RPTOR: variants seen among roughly 807,000 people sequenced by gnomAD.
RPTOR encodes regulatory-associated protein of mTOR.
A neutral mutation model predicts 169.9 loss-of-function variants in RPTOR; 21 were observed. That is an observed-to-expected ratio of 0.12 (90% CI 0.09 to 0.18). The LOEUF (loss-of-function observed/expected upper bound fraction) is 0.18, where lower values mean the gene tolerates loss of function less well. Ranked by LOEUF, RPTOR falls within the 10% of genes least tolerant of loss-of-function variation. The pLI is 1.00. For synonymous variants in RPTOR, 732 were observed against 753.2 expected (o/e 0.97, Z 0.46); for missense variants, 1,133 against 1,855.9 (o/e 0.61, Z 7.16).
intron 3 of RPTOR, among the ~76,000 whole-genome samples, chr17:80,680,928 G>A (rs1009834135): frequency 2.0e-5 from 3 of 152,102 alleles, no homozygotes; most frequent in South Asian, 4.1e-4. Context: ...TGTGGCCTTC[G>A]TGTTCAGCTG....
chr17:80,937,079 A>G (rs1461624177), intron 24 of RPTOR, among the ~76,000 whole-genome samples: 1 of 152,182 alleles, frequency 6.6e-6, no homozygotes, highest in Admixed American at 6.5e-5. Context: ...CCGTGGGGAA[A>G]ATAATAAAAA....
chr17:80,879,157 C>T (rs986681183), intron 13 of RPTOR, among the ~76,000 whole-genome samples: 32 of 152,110 alleles, frequency 2.1e-4, no homozygotes, highest in Admixed American at 9.2e-4. Flanking sequence ...GTAACCCCTC[C>T]GGGATGAAAA....
intron 28 of RPTOR, among the ~76,000 whole-genome samples, chr17:80,955,524 G>A (rs896579213): frequency 2.6e-5 from 4 of 152,214 alleles, no homozygotes; most frequent in African/African-American, 9.6e-5. Flanking sequence ...ACAAGAGATT[G>A]AGGGTAAAGA....
intron 20 of RPTOR, among the ~76,000 whole-genome samples, chr17:80,898,341 A>G (rs1438759972): frequency 2.6e-5 from 4 of 151,886 alleles, no homozygotes; most frequent in Non-Finnish European, 5.9e-5. Flanking sequence ...GTCCCCGTTT[A>G]TTCCTATTGT....
In RPTOR at chr17:80,685,622, TATATA is replaced by T. The variant is rs1472207272; in HGVS notation, c.349-22218_349-22214del. Among the ~76,000 whole-genome samples the T allele has an allele frequency of 8.6e-3, 273 of 31,728 alleles. 3 individuals carry two copies. The highest frequency in any genetic ancestry group is 0.011 in the Non-Finnish European group (174 of 16,364). The allele number at this position is 31,728 out of a possible 152,430, so 20.8% of individuals were successfully genotyped here. On this transcript the variant is annotated intron_variant, in intron 3 of 33. Coordinates refer to ENST00000306801, the MANE Select transcript of RPTOR (RefSeq NM_020761.3). Reference sequence around the variant, plus strand: ...ATTTCCATATATATATATATATATATATATATTTTTTTTTTTTTTTTTTTTTTTTT... The same window carrying T: ...ATTTCCATATATATATATATATATATTTTTTTTTTTTTTTTTTTTTTTTTT...
At chr17:80,653,344 A>G (rs1158689198) in intron 3 of RPTOR, among the ~76,000 whole-genome samples, 1 of 152,178 alleles carries the variant, frequency 6.6e-6, no homozygotes, top group African/African-American at 2.4e-5. Flanking sequence ...GGAGTTGGAG[A>G]CCAGCCTGGG....
chr17:80,887,928 T>G (rs1160887282), intron 17 of RPTOR, among the ~76,000 whole-genome samples: 2 of 151,994 alleles, frequency 1.3e-5, no homozygotes, highest in African/African-American at 4.8e-5. Flanking sequence ...CAGCCACCCG[T>G]CCCTTGTCAA....
At chr17:80,588,547 T>C (rs2065080990) in intron 1 of RPTOR, among the ~76,000 whole-genome samples, 1 of 152,234 alleles carries the variant, frequency 6.6e-6, no homozygotes, top group Admixed American at 6.5e-5. Flanking sequence ...GGTATGCAGA[T>C]GTGTCTTGAA....
chr17:80,838,371 G>A (rs1308510326), intron 10 of RPTOR, among the ~76,000 whole-genome samples: 3 of 152,160 alleles, frequency 2.0e-5, no homozygotes, highest in Non-Finnish European at 2.9e-5. Flanking sequence ...GTGACCCACG[G>A]GGGGTTTGGT....
Position 80,707,731 on chromosome 17 carries a change from T to G in RPTOR, c.349-110T>G, listed in dbSNP as rs1057042587. The G allele has an allele frequency of 7.7e-6, 8 of 1,045,002 alleles. No homozygotes were observed. Among genetic ancestry groups the G allele is most frequent in the Non-Finnish European group, 1.1e-5 (8 of 720,508 alleles). 64.7% of individuals were successfully genotyped at this position (1,045,002 alleles called of 1,614,324 possible). A position where few individuals can be genotyped will look rare whatever the true frequency, so the allele number is the denominator to read the frequency against. ...AGATGGAGAAACTCAGAGCCATGTG[T>G]CCAGGACCACACAGCTATTAACTGC... On this transcript the variant is annotated intron_variant, in intron 3 of 33. Transcript: ENST00000306801. This position sits in a 1 kb window ranked among gnomAD's most constrained non-coding sequence, Gnocchi z 5.0.
At chr17:80,817,631 G>A (rs993720965) in intron 7 of RPTOR, among the ~76,000 whole-genome samples, 1 of 152,114 alleles carries the variant, frequency 6.6e-6, no homozygotes, top group Admixed American at 6.5e-5. Flanking sequence ...AGCCGGGCAG[G>A]TCCGGGAGAA....
At position 80,903,846 on chromosome 17, in the gene RPTOR, C is replaced by G. The variant is rs116843349; in HGVS notation, c.2402-4965C>G. Reference sequence around the variant, plus strand: ...GGTGCTCGCTCAACCAAAAGAAAAGCTAGGCAGGGTTTTTGCCAAAGGAAC... The same window carrying G: ...GGTGCTCGCTCAACCAAAAGAAAAGGTAGGCAGGGTTTTTGCCAAAGGAAC... On this transcript the variant is annotated intron_variant, in intron 20 of 33. Transcript: ENST00000306801. 9.4e-3 allele frequency among the ~76,000 whole-genome samples: 1,432 copies of G among 152,300 alleles called. 6 individuals carry two copies. Among genetic ancestry groups the G allele is most frequent in the Non-Finnish European group, 0.014 (982 of 68,016 alleles).
chr17:80,861,046 A>G lies in RPTOR; in HGVS notation c.1509+3146A>G, dbSNP rs1404425689. 6.9e-6 allele frequency among the ~76,000 whole-genome samples: 1 copy of G among 144,874 alleles called. No individual in the cohort carries two copies. Among genetic ancestry groups the G allele is most frequent in the African/African-American group, 2.4e-5 (1 of 40,976 alleles). ...TCCATAATGGTGACCTGAATACCAT[A>G]TATTTCAGCAAAATATTTTCCCTGC... is the stretch of plus-strand genomic sequence containing the variant. On this transcript the variant is annotated intron_variant, in intron 13 of 33. Coordinates refer to ENST00000306801, the MANE Select transcript of RPTOR (RefSeq NM_020761.3). This position sits in a 1 kb window ranked among gnomAD's most constrained non-coding sequence, Gnocchi z 4.5.
intron 3 of RPTOR, among the ~76,000 whole-genome samples, chr17:80,674,818 A>AAC (rs2065850313): frequency 8.6e-6 from 1 of 115,968 alleles, no homozygotes; most frequent in Non-Finnish European, 1.8e-5. Context: ...AAAAAAAAAA[A>AAC]AAAAAAACAA....
chr17:80,629,192 T>A (rs1049272538), intron 2 of RPTOR, among the ~76,000 whole-genome samples: 1 of 151,900 alleles, frequency 6.6e-6, no homozygotes, highest in East Asian at 1.9e-4. Context: ...CAGCTGTCTA[T>A]GTATTGCGCT....
chr17:80,884,012 G>A (rs2143840485), intron 16 of RPTOR, 40 bp downstream of exon 16: 2 of 1,583,010 alleles, frequency 1.3e-6, no homozygotes, highest in Non-Finnish European at 1.7e-6. Context: ...CCTCCTGGCT[G>A]CCGACTGCGG....
At chr17:80,896,440 GGCCAT>G (rs1326776819) in intron 20 of RPTOR, among the ~76,000 whole-genome samples, 1 of 92,756 alleles carries the variant, frequency 1.1e-5, no homozygotes, top group Non-Finnish European at 2.2e-5. Flanking sequence ...AACACCCCAC[GGCCAT>G]GCCGACACCC....
rs765443624 is a variant in RPTOR at position 80,857,841 on chromosome 17, G to C, written c.1450G>C (p.Ala484Pro). Reference protein sequence around the residue: ...PYVLKLLQSSARELRPLLVFI... With the variant: ...PYVLKLLQSSPRELRPLLVFI... ...CGTGCTGAAGCTGCTCCAGAGCTCG[G>C]CCCGAGAGCTGCGGCCACTTCTCGT... is the stretch of plus-strand genomic sequence containing the variant. The change falls in exon 13 of 34, where the codon GCC becomes CCC. Residue 484 changes from alanine (A) to proline (P), a missense_variant. Coordinates refer to ENST00000306801, the MANE Select transcript of RPTOR (RefSeq NM_020761.3). 2 of 1,613,058 alleles carry C rather than the reference G, an allele frequency of 1.2e-6. No individual in the cohort carries two copies. Among genetic ancestry groups the C allele is most frequent in the Non-Finnish European group, 1.7e-6 (2 of 1,179,968 alleles).
At chr17:80,727,725 C>G (rs1298851099) in intron 4 of RPTOR, among the ~76,000 whole-genome samples, 2 of 152,112 alleles carry the variant, frequency 1.3e-5, no homozygotes, top group African/African-American at 4.8e-5. Context: ...ATTAGCCTAG[C>G]AGTCTCTACC....
Sources: gnomAD v4.1 joint callset for allele counts (sites outside exome capture counted in the v4.1 genomes callset) on GRCh38, gnomAD v4.1.1 for gene constraint, Gnocchi (gnomAD v3.1) non-coding constraint, MANE v1.5 for transcripts, NCBI Gene and HGNC (gene_info 2026-07-23, HGNC 2026-07-21) for gene names.